The following TTLL8 variants were observed in gnomAD, a reference collection of about 807,000 sequenced individuals.
TTLL8 encodes the protein protein monoglycylase TTLL8.
Under a neutral mutation model 77.8 loss-of-function variants are expected in TTLL8, and 65 were observed. The observed-to-expected ratio is 0.84, with a 90% CI of 0.68 to 1.03. TTLL8 has a LOEUF of 1.03. Ranked by LOEUF, TTLL8 falls within the 50% of genes least tolerant of loss-of-function variation. TTLL8 has a pLI of 0.00. For missense variants in TTLL8, 910 were observed against 1,004.5 expected (o/e 0.91, Z 1.27); for synonymous variants, 402 against 422.8 (o/e 0.95, Z 0.60).
intron 12 of TTLL8, among the ~76,000 whole-genome samples, chr22:50,019,801 A>T (rs1372403226): frequency 7.9e-5 from 12 of 152,224 alleles, no homozygotes; most frequent in Admixed American, 7.9e-4. Flanking sequence ...CTTTGCAGTG[A>T]TTTCTTATGC....
upstream of TTLL8, chr22:50,055,245 T>C (rs1459989079): frequency 7.8e-7 from 1 of 1,289,654 alleles, no homozygotes; most frequent in Non-Finnish European, 1.0e-6. Flanking sequence ...TTGATTGCTT[T>C]TTCTGTTAAC....
At chr22:50,057,563 C>T (rs1601945118), upstream of TTLL8, among the ~76,000 whole-genome samples, 2 of 50,268 alleles carry the variant, frequency 4.0e-5, no homozygotes, top group African/African-American at 9.4e-5. Flanking sequence ...GGGGTCAGGT[C>T]TGGGTTGGGG....
chr22:50,036,746 G>A (rs910411556), intron 8 of TTLL8, among the ~76,000 whole-genome samples: 1 of 152,014 alleles, frequency 6.6e-6, no homozygotes, highest in African/African-American at 2.4e-5. Context: ...TTACAGGCAT[G>A]AGCCACCATG....
exon 11 of TTLL8, chr22:50,032,008 A>C (rs1293897316): frequency 1.5e-5 from 21 of 1,366,560 alleles, no homozygotes; most frequent in Non-Finnish European, 2.0e-5. Flanking sequence ...GTACTCCTGG[A>C]ACCTGGTGCT....
At chr22:50,055,255 C>G (rs1031504643), upstream of TTLL8, 8 of 1,289,706 alleles carry the variant, frequency 6.2e-6, no homozygotes, top group Non-Finnish European at 8.1e-6. Flanking sequence ...TTTCTGTTAA[C>G]TGCCTTGCTA....
Position 50,033,194 on chromosome 22 carries a change from G to A in TTLL8, c.1283+8C>T, listed in dbSNP as rs749556147. 54 of 1,338,290 alleles carry A rather than the reference G, an allele frequency of 4.0e-5. No homozygotes were observed. The African/African-American group carries it at 4.5e-4, about 11-fold the overall frequency. 82.9% of individuals were successfully genotyped at this position (1,338,290 alleles called of 1,614,324 possible). On this transcript the variant is annotated splice_region_variant and intron_variant, in intron 10 of 13. Transcript: ENST00000266182. ...GCCCGAGGTGTCCAGGTCGCCCACC[G>A]CACTGACCTGTCCAGCTTGTCCAGG...
intron 12 of TTLL8, among the ~76,000 whole-genome samples, chr22:50,029,569 T>C (rs1190224003): frequency 1.3e-5 from 2 of 151,238 alleles, no homozygotes; most frequent in East Asian, 3.9e-4. Context: ...TGAAACCCCA[T>C]CTCTACTAAA....
exon 10 of TTLL8, chr22:50,033,372 G>A (rs1176730768): frequency 2.9e-6 from 4 of 1,365,276 alleles, no homozygotes; most frequent in Non-Finnish European, 2.9e-6. Context: ...CCACCCACTT[G>A]TTGTCCCTGG....
exon 10 of TTLL8, chr22:50,033,233 T>C (rs1290009910): frequency 3.7e-6 from 5 of 1,356,566 alleles, no homozygotes; most frequent in African/African-American, 3.0e-5. Context: ...AAGCGCTGAG[T>C]TGAGAACCGC....
intron 4 of TTLL8, among the ~76,000 whole-genome samples, chr22:50,046,362 C>T (rs952803082): frequency 6.6e-6 from 1 of 152,206 alleles, no homozygotes; most frequent in Non-Finnish European, 1.5e-5. Flanking sequence ...GGGCCCGGAA[C>T]GCAGCCACAT....
At chr22:50,040,019 C>T (rs567921936) in intron 8 of TTLL8, among the ~76,000 whole-genome samples, 9 of 142,748 alleles carry the variant, frequency 6.3e-5, no homozygotes, top group South Asian at 4.6e-4. Flanking sequence ...GGTGTGCCAG[C>T]GTGGACGGAC....
At chr22:50,019,835 T>C (rs762452397) in intron 12 of TTLL8, among the ~76,000 whole-genome samples, 6 of 152,202 alleles carry the variant, frequency 3.9e-5, no homozygotes, top group Non-Finnish European at 7.3e-5. Context: ...ACAGAATCCA[T>C]GTACATGATT....
At chr22:50,055,347 T>G, upstream of TTLL8, 1 of 1,289,196 alleles carries the variant, frequency 7.8e-7, no homozygotes, top group South Asian at 1.2e-5. Flanking sequence ...AAGGAGGACA[T>G]CAAGTCAAAG....
At chr22:50,033,905 C>T (rs1430131183) in intron 9 of TTLL8, among the ~76,000 whole-genome samples, 3 of 151,980 alleles carry the variant, frequency 2.0e-5, no homozygotes, top group Non-Finnish European at 4.4e-5. Context: ...GTGTGGTGGG[C>T]GCCTGTAGTC....
chr22:50,042,188 A>G (rs1303437923), intron 6 of TTLL8, among the ~76,000 whole-genome samples: 1 of 152,248 alleles, frequency 6.6e-6, no homozygotes, highest in Non-Finnish European at 1.5e-5. Context: ...TGTAAAGAAC[A>G]ATTTTAAGAC....
At chr22:50,053,672 T>C (rs1391939966) in intron 1 of TTLL8, among the ~76,000 whole-genome samples, 1 of 152,000 alleles carries the variant, frequency 6.6e-6, no homozygotes, top group Non-Finnish European at 1.5e-5. Context: ...CAAAGGACAG[T>C]GAGAGAAAGC....
At chr22:50,057,588 A>G (rs35276671), upstream of TTLL8, among the ~76,000 whole-genome samples, 229 of 6,858 alleles carry the variant, frequency 0.033, 15 homozygotes, top group South Asian at 0.16. Context: ...GTCTGGGTTG[A>G]GGGTCAGGTT....
chr22:50,057,160 T>TCTGGGGATGGGAGTCAGGA, upstream of TTLL8, among the ~76,000 whole-genome samples: 1 of 127,318 alleles, frequency 7.9e-6, no homozygotes, highest in Admixed American at 7.7e-5. Flanking sequence ...TGGGGTCAGG[T>TCTGGGGATGGGAGTCAGGA]CTGGGGATGG....
chr22:50,036,143 C>T (rs542273887), intron 8 of TTLL8, among the ~76,000 whole-genome samples: 95 of 152,336 alleles, frequency 6.2e-4, no homozygotes, highest in African/African-American at 2.2e-3. Context: ...CCCCAGGGCA[C>T]ACCTGCCAGG....
Sources: allele counts gnomAD v4.1 joint callset (sites outside exome capture counted in the v4.1 genomes callset), GRCh38; gene constraint gnomAD v4.1.1; transcripts MANE v1.5; gene names NCBI Gene and HGNC (gene_info 2026-07-23, HGNC 2026-07-21).